The following ILDR1 variants were observed in gnomAD, a reference collection of about 807,000 sequenced individuals.
ILDR1 encodes immunoglobulin-like domain-containing receptor 1.
Under a neutral mutation model 62.4 loss-of-function variants are expected in ILDR1, and 56 were observed. The ratio of observed to expected loss-of-function variants is 0.90; its 90% CI spans 0.72 to 1.12. ILDR1 has a LOEUF of 1.12. ILDR1 is among the 50% of genes most tolerant of loss of function. The pLI, the probability that ILDR1 is intolerant of heterozygous loss-of-function variation, is 0.00. For missense variants in ILDR1, 736 were observed against 710.6 expected, an observed-to-expected ratio of 1.04 and a Z score of -0.41; for synonymous variants, 284 against 277.8, an observed-to-expected ratio of 1.02 and a Z score of -0.22.
the ILDR1 span, among the ~76,000 whole-genome samples, chr3:122,040,376 TA>T: frequency 6.6e-6 from 1 of 151,906 alleles, no homozygotes; most frequent in African/African-American, 2.4e-5. Context: ...AGAAGTTGCA[TA>T]AAAAATATCC....
the ILDR1 span, among the ~76,000 whole-genome samples, chr3:122,046,432 G>A: frequency 0.28 from 39,589 of 141,352 alleles, 5,926 homozygotes; most frequent in South Asian, 0.42. Flanking sequence ...TCTTTGTGGC[G>A]TTCTCTGTAT....
chr3:122,033,346 T>A, the ILDR1 span, among the ~76,000 whole-genome samples: 9 of 152,136 alleles, frequency 5.9e-5, no homozygotes, highest in Non-Finnish European at 1.2e-4. Flanking sequence ...CTTTCCTTTT[T>A]CTTACTGGAG....
chr3:122,011,514 G>C (rs2071700793), intron 1 of ILDR1, among the ~76,000 whole-genome samples: 1 of 151,936 alleles, frequency 6.6e-6, no homozygotes, highest in South Asian at 2.1e-4. Flanking sequence ...ATCCCTGTGT[G>C]AATATCAAGC....
rs762269430 is a variant in ILDR1, at chr3:122,007,058, C to T, written c.162G>A (p.Gln54=). Residue 54 remains glutamine (Q), a synonymous_variant, in exon 2 of 8, where the codon CAG becomes CAA. Transcript: ENST00000344209. ...TGAAGCGCCATGTCACCACCACGTCCTGGAGCTGGGCAGAGGTGGTGTAGT... is the reference window on the plus strand; with the variant it reads ...TGAAGCGCCATGTCACCACCACGTCTTGGAGCTGGGCAGAGGTGGTGTAGT... ...KCDYTTSAQL[Q]DVVVTWRFKS... 1 of 1,614,076 alleles carries T rather than the reference C, an allele frequency of 6.2e-7. No homozygotes were observed. The highest frequency in any genetic ancestry group is 8.5e-7 in the Non-Finnish European group (1 of 1,180,032).
At chr3:122,017,673 A>G (rs1214071858) in intron 1 of ILDR1, among the ~76,000 whole-genome samples, 2 of 152,248 alleles carry the variant, frequency 1.3e-5, no homozygotes, top group Admixed American at 6.5e-5. Context: ...CAGAATCTAC[A>G]AAGAACTTAA....
At chr3:121,998,263 C>T (rs1021604138) in intron 5 of ILDR1, among the ~76,000 whole-genome samples, 1 of 152,204 alleles carries the variant, frequency 6.6e-6, no homozygotes, top group African/African-American at 2.4e-5. Flanking sequence ...CTTAATGCTT[C>T]ACTTTACTCA....
In ILDR1 at chr3:121,994,305, G is replaced by A. The variant is rs1365655840; in HGVS notation, c.655C>T (p.Arg219Cys). 81 of 1,533,516 alleles carry A rather than the reference G, an allele frequency of 5.3e-5. No homozygotes were observed. The highest frequency in any genetic ancestry group is 1.6e-4 in the Admixed American group (8 of 50,882). The allele number at this position is 1,533,516 out of a possible 1,614,324, so 95.0% of individuals were successfully genotyped here. Reference sequence around the variant, plus strand: ...TGGGCCTGCTTCATGTAGCGGTGGCGGGCCAGGGCTGCAGGGAAAGAAGGA... The same window carrying A: ...TGGGCCTGCTTCATGTAGCGGTGGCAGGCCAGGGCTGCAGGGAAAGAAGGA... ...HCCCPEEALARHRYMKQAQAL... is the reference protein window; with the variant it reads ...HCCCPEEALACHRYMKQAQAL... Residue 219 changes from arginine to cysteine, a missense_variant, in exon 6 of 8, where the codon CGC becomes TGC. Coordinates refer to ENST00000344209, the MANE Select transcript of ILDR1 (RefSeq NM_001199799.2).
chr3:122,051,564 G>T, the ILDR1 span, among the ~76,000 whole-genome samples: 1 of 151,910 alleles, frequency 6.6e-6, no homozygotes, highest in Non-Finnish European at 1.5e-5. Context: ...TCAATATGAT[G>T]GTTATTTAGA....
chr3:121,990,388 C>G (rs977914760), intron 7 of ILDR1, among the ~76,000 whole-genome samples: 3 of 152,188 alleles, frequency 2.0e-5, no homozygotes, highest in African/African-American at 7.2e-5. Context: ...AGTGATAACT[C>G]CTTGGGAGAT....
At chr3:121,995,775 TA>T (rs898595957) in intron 5 of ILDR1, among the ~76,000 whole-genome samples, 2 of 152,154 alleles carry the variant, frequency 1.3e-5, no homozygotes, top group Non-Finnish European at 2.9e-5. Context: ...CTTATACATG[TA>T]ATTTACTTTA....
chr3:122,050,970 T>G, the ILDR1 span, among the ~76,000 whole-genome samples: 3 of 152,226 alleles, frequency 2.0e-5, no homozygotes, highest in African/African-American at 7.2e-5. Flanking sequence ...CATTCCCTTT[T>G]GTCCTTCAAA....
intron 5 of ILDR1, among the ~76,000 whole-genome samples, chr3:121,999,805 C>G (rs10934570): frequency 0.5 from 75,885 of 151,904 alleles, 19,547 homozygotes; most frequent in East Asian, 0.78. Flanking sequence ...ACAGTGACCA[C>G]CCCTTTCAAA....
intron 7 of ILDR1, 114 bp from the exon 8 acceptor site, chr3:121,988,522 G>A: frequency 1.2e-6 from 1 of 812,448 alleles, no homozygotes; most frequent in Non-Finnish European, 2.1e-6. Context: ...GTGGCTGCCA[G>A]GACAGCAGAT....
At chr3:122,011,675 T>TC (rs1491260257) in intron 1 of ILDR1, among the ~76,000 whole-genome samples, 1,363 of 37,704 alleles carry the variant, frequency 0.036, 16 homozygotes, top group African/African-American at 0.14. Flanking sequence ...TCTCTCTCTC[T>TC]TTCACACACA....
upstream of ILDR1, among the ~76,000 whole-genome samples, chr3:122,024,844 C>T (rs145256013): frequency 5.1e-4 from 78 of 152,344 alleles, no homozygotes; most frequent in Non-Finnish European, 9.7e-4. Flanking sequence ...TAGACCCTCA[C>T]ATAGCTATTA....
chr3:122,026,005 C>T (rs1188587380), upstream of ILDR1, among the ~76,000 whole-genome samples: 5 of 152,174 alleles, frequency 3.3e-5, no homozygotes, highest in African/African-American at 1.2e-4. Context: ...CAGAGCAATC[C>T]AAGCAGAGAG....
intron 1 of ILDR1, among the ~76,000 whole-genome samples, chr3:122,009,575 C>G (rs1231504225): frequency 1.3e-5 from 2 of 152,182 alleles, no homozygotes; most frequent in Non-Finnish European, 2.9e-5. Flanking sequence ...ACATTAGTGT[C>G]AGTATGTGAG....
intron 1 of ILDR1, among the ~76,000 whole-genome samples, chr3:122,011,484 T>C (rs562194516): frequency 6.6e-6 from 1 of 151,944 alleles, no homozygotes; most frequent in African/African-American, 2.4e-5. Context: ...TGGGTACTCT[T>C]TTATCTTCTC....
chr3:122,005,208 C>CCCCCCCCCTT, intron 3 of ILDR1, 36 bp downstream of exon 3: 7 of 1,283,018 alleles, frequency 5.5e-6, no homozygotes, highest in Admixed American at 1.8e-5. Context: ...CACCTCCCCC[C>CCCCCCCCCTT]ACCCCCAGTT....
Sources: allele counts gnomAD v4.1 joint callset (sites outside exome capture counted in the v4.1 genomes callset), GRCh38; gene constraint gnomAD v4.1.1; transcripts MANE v1.5; gene names NCBI Gene and HGNC (gene_info 2026-07-23, HGNC 2026-07-21).